The following ACAN variants were observed in gnomAD, a reference collection of about 807,000 sequenced individuals.
ACAN encodes the protein aggrecan.
ACAN carries 47 observed loss-of-function variants against 169.1 expected under a neutral mutation model. That is an observed-to-expected ratio of 0.28 (90% confidence interval 0.22 to 0.35). The LOEUF is 0.35. ACAN is among the 10% of genes least tolerant of loss of function. ACAN has a pLI of 1.00. For synonymous variants in ACAN, 1,115 were observed against 1,112.2 expected, an observed-to-expected ratio of 1.00 and a Z score of -0.05; for missense variants, 2,716 against 2,759.9, an observed-to-expected ratio of 0.98 and a Z score of 0.36.
chr15:88,872,863 C>A lies in ACAN; in HGVS notation c.7303-18C>A. ...CTGTCCTGCCCTCTCCTTACTCCTT[C>A]CCCACTCCCACCCACAGCAATTTGA... On this transcript the variant is annotated intron_variant, in intron 16 of 18. Coordinates refer to ENST00000560601, the MANE Select transcript of ACAN (RefSeq NM_001369268.1). This position sits in a 1 kb window ranked among gnomAD's most constrained non-coding sequence, Gnocchi z 5.4. 1 of 1,612,808 alleles carries A rather than the reference C, an allele frequency of 6.2e-7. No homozygotes were observed. Among genetic ancestry groups the A allele is most frequent in the South Asian group, 1.1e-5 (1 of 90,990 alleles).
At chr15:88,809,735 A>G (rs1025458511) in intron 1 of ACAN, among the ~76,000 whole-genome samples, 1 of 152,172 alleles carries the variant, frequency 6.6e-6, no homozygotes, top group Non-Finnish European at 1.5e-5. Context: ...CTGCAGATAC[A>G]GCAGCTGCAC....
Position 88,868,912 on chromosome 15 carries a change from C to T in ACAN, c.7060+583C>T, listed in dbSNP as rs8042072. On this transcript the variant is annotated intron_variant, in intron 14 of 18. Transcript: ENST00000560601. This position sits in a 1 kb window ranked among gnomAD's most constrained non-coding sequence, Gnocchi z 5.2. ...CTTCTTCTCATCACTATTGTGACAG[C>T]TGCCATGGCAATGCCATGCCAGCCT... Among the ~76,000 whole-genome samples the T allele has an allele frequency of 0.063, 9,595 of 152,288 alleles. 402 individuals are homozygous for T. Among genetic ancestry groups the T allele is most frequent in the East Asian group, 0.13 (655 of 5,176 alleles).
intron 13 of ACAN, among the ~76,000 whole-genome samples, chr15:88,862,043 A>G (rs1008652480): frequency 1.3e-5 from 2 of 152,208 alleles, no homozygotes; most frequent in Non-Finnish European, 2.9e-5. Flanking sequence ...GATTGAATCA[A>G]GAATCAAGAC....
rs769916642 is a variant in ACAN, at chr15:88,838,808, A to T, written c.216A>T (p.Arg72Ser). ...TAPSTAPLAP[R>S]IKWSRVSKEK... ...CTTCTACCGCCCCACTGGCCCCAAG[A>T]ATCAAGTGGAGCCGTGTGTCCAAGG... The change falls in exon 3 of 19, where the codon AGA becomes AGT. Residue 72 changes from arginine (R) to serine (S), a missense_variant. Physicochemically the swap from Arg to Ser is moderately radical, Grantham distance 110 (BLOSUM62 -1). Transcript: ENST00000560601. The surrounding 1 kb of genome is among the most constrained non-coding windows in gnomAD (Gnocchi z 5.1). The T allele has an allele frequency of 3.7e-6, 6 of 1,613,968 alleles. No homozygotes were observed. Among genetic ancestry groups the T allele is most frequent in the Non-Finnish European group, 5.1e-6 (6 of 1,179,878 alleles).
chr15:88,819,591 T>C (rs1477789564), intron 1 of ACAN, among the ~76,000 whole-genome samples: 4 of 123,288 alleles, frequency 3.2e-5, no homozygotes, highest in Non-Finnish European at 6.6e-5. Flanking sequence ...AATGAGACTC[T>C]CGTCTCTACA....
intron 1 of ACAN, among the ~76,000 whole-genome samples, chr15:88,821,349 CT>C (rs1215312662): frequency 6.6e-6 from 1 of 152,114 alleles, no homozygotes; most frequent in Non-Finnish European, 1.5e-5. Context: ...GAGGGGTGGT[CT>C]CCCTAAGTTG....
chr15:88,871,595 G>C lies in ACAN; in HGVS notation c.7219+55G>C. On this transcript the variant is annotated intron_variant, in intron 15 of 18. Coordinates refer to ENST00000560601, the MANE Select transcript of ACAN (RefSeq NM_001369268.1). The surrounding 1 kb of genome is among the most constrained non-coding windows in gnomAD (Gnocchi z 7.8). ...GAGGAGAGTGGCGGTGTAGGCAAAGGGCCTCACCTTTCAGAAGGCAGCAGA... is the reference window on the plus strand; with the variant it reads ...GAGGAGAGTGGCGGTGTAGGCAAAGCGCCTCACCTTTCAGAAGGCAGCAGA... The C allele has an allele frequency of 9.0e-6, 14 of 1,551,128 alleles. No individual in the cohort carries two copies. Among genetic ancestry groups the C allele is most frequent in the Non-Finnish European group, 1.2e-5 (14 of 1,148,912 alleles).
chr15:88,854,297 A>G (rs1896998313), intron 11 of ACAN, among the ~76,000 whole-genome samples: 1 of 152,174 alleles, frequency 6.6e-6, no homozygotes, highest in South Asian at 2.1e-4. Flanking sequence ...ACTTCTTCCC[A>G]GAGTTGCTGA....
In ACAN at chr15:88,872,372, A is replaced by G. The variant is rs1228935519; in HGVS notation, c.7302+287A>G. On this transcript the variant is annotated intron_variant, in intron 16 of 18. Coordinates refer to ENST00000560601, the MANE Select transcript of ACAN (RefSeq NM_001369268.1). This position sits in a 1 kb window ranked among gnomAD's most constrained non-coding sequence, Gnocchi z 5.4. ...GAAGCTTTAGAGAGGTTTCTTGCCC[A>G]CACTGAACTCGAGTCTACTCAAGGA... is the stretch of plus-strand genomic sequence containing the variant. Among the ~76,000 whole-genome samples, 1 of 152,194 alleles carries G rather than the reference A, an allele frequency of 6.6e-6. No individual in the cohort carries two copies. Among genetic ancestry groups the G allele is most frequent in the South Asian group, 2.1e-4 (1 of 4,824 alleles).
At chr15:88,825,474 T>G (rs986167711) in intron 1 of ACAN, among the ~76,000 whole-genome samples, 5 of 152,186 alleles carry the variant, frequency 3.3e-5, no homozygotes, top group Non-Finnish European at 5.9e-5. Context: ...AGATAGTACA[T>G]TATGAGTCAA....
Position 88,854,270 on chromosome 15 carries a change from A to G in ACAN, c.2267-582A>G, listed in dbSNP as rs144660876. On this transcript the variant is annotated intron_variant, in intron 11 of 18. Transcript: ENST00000560601. ...CCCAGCATCACAAGGAGGGCTTGCT[A>G]AAACACAGTATGCCAGACTTCTTCC... Among the ~76,000 whole-genome samples the G allele has an allele frequency of 2.0e-5, 3 of 152,312 alleles. No homozygotes were observed. In the East Asian group the frequency reaches 5.8e-4, roughly 29 times the overall value.
At chr15:88,810,745 G>A (rs535142205) in intron 1 of ACAN, among the ~76,000 whole-genome samples, 2 of 152,284 alleles carry the variant, frequency 1.3e-5, no homozygotes, top group African/African-American at 4.8e-5. Flanking sequence ...TCAAAAATAC[G>A]GGTGGCTGAA....
In ACAN at chr15:88,839,163, C is replaced by CA. The variant is rs2141564611; in HGVS notation, c.454+119dup. 7.5e-7 allele frequency: 1 copy of CA among 1,335,886 alleles called. No individual in the cohort carries two copies. The highest frequency in any genetic ancestry group is 1.5e-5 in the African/African-American group (1 of 68,886). 82.8% of individuals were successfully genotyped at this position (1,335,886 alleles called of 1,614,324 possible). On this transcript the variant is annotated intron_variant, in intron 3 of 18. Transcript: ENST00000560601. The surrounding 1 kb of genome is among the most constrained non-coding windows in gnomAD (Gnocchi z 4.5). Reference sequence around the variant, plus strand: ...AACCAGCTCCTCCACGCACCTCAGCCAAGTTACTTAACTTCAGCTGCTTCC... The same window carrying CA: ...AACCAGCTCCTCCACGCACCTCAGCCAAAGTTACTTAACTTCAGCTGCTTCC...
chr15:88,843,644 C>T lies in ACAN; in HGVS notation c.1047C>T (p.Tyr349=). The T allele has an allele frequency of 6.4e-7, 1 of 1,574,482 alleles. No homozygotes were observed. The highest frequency in any genetic ancestry group is 8.7e-7 in the Non-Finnish European group (1 of 1,152,656). ...CATCCCGCTACGACGCCATCTGCTA[C>T]ACAGGTGGGGCACGGCTGGTGGTGG... ...DPSSRYDAIC[Y]TGEDFVDIPE... The change falls in exon 6 of 19, where the codon TAC becomes TAT. Residue 349 remains tyrosine (Y), a synonymous_variant. Transcript: ENST00000560601. This position sits in a 1 kb window ranked among gnomAD's most constrained non-coding sequence, Gnocchi z 4.0.
Position 88,856,976 on chromosome 15 carries a change from T to C in ACAN, c.4391T>C (p.Val1464Ala), listed in dbSNP as rs1897063907. Residue 1464 changes from valine to alanine, a missense_variant, in exon 12 of 19, where the codon GTA (valine) becomes GCA (alanine). Coordinates refer to ENST00000560601, the MANE Select transcript of ACAN (RefSeq NM_001369268.1). ...GEVLETSTSAVGDLSGLPSGG... is the reference protein window; with the variant it reads ...GEVLETSTSAAGDLSGLPSGG... ...GTTCTAGAGACTTCTACCTCTGCGG[T>C]AGGGGACCTCAGTGGACTTCCTTCT... is the stretch of plus-strand genomic sequence containing the variant. The C allele has an allele frequency of 6.2e-7, 1 of 1,613,290 alleles. No homozygotes were observed. The highest frequency in any genetic ancestry group is 8.5e-7 in the Non-Finnish European group (1 of 1,179,730).
In ACAN at chr15:88,858,855, A is replaced by C. The variant is rs1254628294; in HGVS notation, c.6270A>C (p.Gly2090=). Residue 2090 remains glycine (G), a synonymous_variant, in exon 12 of 19, where the codon GGA becomes GGC. Transcript: ENST00000560601. This position sits in a 1 kb window ranked among gnomAD's most constrained non-coding sequence, Gnocchi z 4.0. The part of the protein sequence containing the change: ...SGATPVLPGS[G]VEVSSVPESS... ...CTACCCCAGTGCTCCCTGGGTCTGG[A>C]GTAGAAGTATCATCAGTCCCAGAAT... The C allele has an allele frequency of 6.2e-7, 1 of 1,612,720 alleles. No homozygotes were observed. The highest frequency in any genetic ancestry group is 8.5e-7 in the Non-Finnish European group (1 of 1,179,248).
chr15:88,823,659 C>A (rs1689332265), intron 1 of ACAN, among the ~76,000 whole-genome samples: 1 of 152,140 alleles, frequency 6.6e-6, no homozygotes, highest in African/African-American at 2.4e-5. Context: ...GCTGCAGCCA[C>A]CCCATCCTTA....
chr15:88,863,937 CGAGGCAGGAGGA>C (rs1897243001), intron 13 of ACAN, among the ~76,000 whole-genome samples: 2 of 152,126 alleles, frequency 1.3e-5, no homozygotes, highest in African/African-American at 4.8e-5. Flanking sequence ...TTTGGGAGGC[CGAGGCAGGAGGA>C]TCACTTGAGC....
At chr15:88,836,430 A>AG (rs1567173751) in intron 2 of ACAN, among the ~76,000 whole-genome samples, 154 bp downstream of exon 2, 1 of 152,006 alleles carries the variant, frequency 6.6e-6, no homozygotes, top group Non-Finnish European at 1.5e-5. Context: ...TGATGCATGC[A>AG]TAACTGTGAT....
Sources: allele counts gnomAD v4.1 joint callset (sites outside exome capture counted in the v4.1 genomes callset), GRCh38; gene constraint gnomAD v4.1.1; non-coding constraint Gnocchi (gnomAD v3.1); transcripts MANE v1.5; gene names NCBI Gene and HGNC (gene_info 2026-07-23, HGNC 2026-07-21).